DAB1: variants seen among roughly 807,000 people sequenced by gnomAD.
DAB1 encodes the protein DAB adaptor protein 1.
Under a neutral mutation model 64.6 loss-of-function variants are expected in DAB1, and 15 were observed. The ratio of observed to expected loss-of-function variants is 0.23; its 90% CI spans 0.16 to 0.36. DAB1 has a LOEUF of 0.36. Among genes scored for constraint, DAB1 ranks in the 10% least tolerant of loss-of-function variants. DAB1 has a pLI of 1.00. For synonymous variants in DAB1, 235 were observed against 251.9 expected, an observed-to-expected ratio of 0.93 and a Z score of 0.64; for missense variants, 596 against 706.7, an observed-to-expected ratio of 0.84 and a Z score of 1.78.
intron 6 of DAB1, among the ~76,000 whole-genome samples, chr1:57,709,458 A>ATG (rs1485137575): frequency 1.3e-5 from 2 of 151,994 alleles, no homozygotes; most frequent in African/African-American, 4.8e-5. Flanking sequence ...CTCTATATAT[A>ATG]TATGTTCAAC....
chr1:58,354,438 C>T lies in DAB1; in HGVS notation n.258-11035G>A, dbSNP rs74660827. Reference sequence around the variant, plus strand: ...AGGTGTTATCTCTATAAATACAGTGCATTTTGCTTTAATAAAAAATGAATT... The same window carrying T: ...AGGTGTTATCTCTATAAATACAGTGTATTTTGCTTTAATAAAAAATGAATT... On this transcript the variant is annotated intron_variant and non_coding_transcript_variant, in intron 3 of 20. Transcript: ENST00000485760. Among the ~76,000 whole-genome samples the T allele has an allele frequency of 6.9e-3, 1,056 of 152,214 alleles. 14 individuals carry two copies. Among genetic ancestry groups the T allele is most frequent in the African/African-American group, 0.025 (1,022 of 41,526 alleles).
chr1:57,482,449 T>C (rs1368351195), intron 7 of DAB1, among the ~76,000 whole-genome samples: 1 of 124,054 alleles, frequency 8.1e-6, no homozygotes, highest in African/African-American at 3.3e-5. Context: ...CTAAAAATAA[T>C]TGACCCCAGT....
At chr1:57,359,306 A>C (rs1679363561) in intron 1 of DAB1, among the ~76,000 whole-genome samples, 1 of 152,134 alleles carries the variant, frequency 6.6e-6, no homozygotes, top group African/African-American at 2.4e-5. Flanking sequence ...TCTCAAAAGA[A>C]GATACACAAA....
chr1:57,987,847 G>GTT (rs150300744), intron 5 of DAB1, among the ~76,000 whole-genome samples: 45 of 147,544 alleles, frequency 3.0e-4, no homozygotes, highest in Admixed American at 4.7e-4. Flanking sequence ...TGTTTTTTTT[G>GTT]TTTTTTTTTT....
intron 2 of DAB1, among the ~76,000 whole-genome samples, chr1:57,213,548 A>C (rs1370307682): frequency 2.0e-5 from 3 of 152,136 alleles, no homozygotes; most frequent in South Asian, 2.1e-4. Flanking sequence ...CAGTCATACA[A>C]AATGCTGGCT....
At chr1:58,291,055 AGCTGAGTGATAT>A (rs1346778433) in intron 4 of DAB1, among the ~76,000 whole-genome samples, 1 of 152,218 alleles carries the variant, frequency 6.6e-6, no homozygotes. Flanking sequence ...CTTGAACAGA[AGCTGAGTGATAT>A]GCTGAGTGAG....
At chr1:57,202,879 A>G (rs1297316836) in intron 2 of DAB1, among the ~76,000 whole-genome samples, 2 of 152,168 alleles carry the variant, frequency 1.3e-5, no homozygotes, top group African/African-American at 4.8e-5. Context: ...CTTCACAACT[A>G]TGTCTTCTAT....
intron 7 of DAB1, among the ~76,000 whole-genome samples, chr1:57,636,665 G>C (rs1415661817): frequency 6.6e-6 from 1 of 152,202 alleles, no homozygotes; most frequent in African/African-American, 2.4e-5. Flanking sequence ...GTGTACAAAA[G>C]AGCAGGGTGG....
intron 4 of DAB1, among the ~76,000 whole-genome samples, chr1:57,096,522 C>T (rs1182851528): frequency 6.6e-6 from 1 of 152,136 alleles, no homozygotes; most frequent in Non-Finnish European, 1.5e-5. Flanking sequence ...TGCTCTGCAT[C>T]CCCATCTTCC....
intron 1 of DAB1, among the ~76,000 whole-genome samples, chr1:57,356,724 G>A (rs1679137342): frequency 6.6e-6 from 1 of 152,116 alleles, no homozygotes; most frequent in Admixed American, 6.6e-5. Flanking sequence ...CTCAGCTGTG[G>A]CCAAATGAAG....
chr1:57,939,473 A>C (rs987125351), intron 5 of DAB1, among the ~76,000 whole-genome samples: 1 of 152,194 alleles, frequency 6.6e-6, no homozygotes, highest in Non-Finnish European at 1.5e-5. Flanking sequence ...TCATCTTCAA[A>C]ACTTTTAGAC....
At chr1:57,547,904 TC>T (rs1244893156) in intron 7 of DAB1, among the ~76,000 whole-genome samples, 1 of 152,152 alleles carries the variant, frequency 6.6e-6, no homozygotes, top group Admixed American at 6.6e-5. Context: ...TATTCTGTTG[TC>T]CCAACAAGCA....
rs761557337 is a variant in DAB1, at chr1:57,010,707, C to T, written c.1656G>A (p.Gln552=). The T allele has an allele frequency of 3.2e-6, 5 of 1,582,840 alleles. No homozygotes were observed. The highest frequency in any genetic ancestry group is 4.3e-6 in the Non-Finnish European group (5 of 1,160,830). ...AGACCTGCGCTATCTAGCTACCGGC[C>T]TGTGGACTTATATTATCACCACTGG... is the stretch of plus-strand genomic sequence containing the variant. ...GEPSGDNISP[Q]AGS Residue 552 remains glutamine, a synonymous_variant, in exon 14 of 15, where the codon CAG becomes CAA. Coordinates refer to ENST00000371236, the MANE Select transcript of DAB1 (RefSeq NM_001365792.1).
At chr1:58,543,868 ACT>A (rs1284495600) in intron 1 of DAB1, among the ~76,000 whole-genome samples, 3 of 152,376 alleles carry the variant, frequency 2.0e-5, no homozygotes, top group African/African-American at 7.2e-5. Flanking sequence ...TCATGTCTGC[ACT>A]GTCCAATAAG....
At chr1:57,172,677 G>T (rs1281803622) in intron 2 of DAB1, among the ~76,000 whole-genome samples, 9 of 152,146 alleles carry the variant, frequency 5.9e-5, no homozygotes, top group Non-Finnish European at 1.3e-4. Flanking sequence ...AAGCGATCAG[G>T]ATTGGGAGGT....
intron 4 of DAB1, among the ~76,000 whole-genome samples, chr1:58,212,777 C>T (rs959264870): frequency 6.6e-6 from 1 of 152,138 alleles, no homozygotes; most frequent in African/African-American, 2.4e-5. Context: ...AGGAGTGAAC[C>T]AGGGTACATT....
intron 4 of DAB1, among the ~76,000 whole-genome samples, chr1:58,252,910 A>G (rs1296543960): frequency 6.6e-6 from 1 of 152,178 alleles, no homozygotes; most frequent in African/African-American, 2.4e-5. Flanking sequence ...GCCCAACTCA[A>G]TGTATTGCAC....
chr1:57,468,559 C>T (rs1274507243), intron 7 of DAB1, among the ~76,000 whole-genome samples: 5 of 152,026 alleles, frequency 3.3e-5, no homozygotes, highest in Non-Finnish European at 5.9e-5. Flanking sequence ...TCTTATAGGT[C>T]TGGTGGCTCT....
At chr1:58,354,480 G>A (rs1195806727) in intron 3 of DAB1, among the ~76,000 whole-genome samples, 1 of 152,206 alleles carries the variant, frequency 6.6e-6, no homozygotes, top group Non-Finnish European at 1.5e-5. Context: ...AACAGTGACA[G>A]TATTGACCTT....
Sources: gnomAD v4.1 joint callset for allele counts (sites outside exome capture counted in the v4.1 genomes callset) on GRCh38, gnomAD v4.1.1 for gene constraint, MANE v1.5 for transcripts, NCBI Gene and HGNC (gene_info 2026-07-23, HGNC 2026-07-21) for gene names.